The following ADAMTS2 variants were observed in gnomAD, a reference collection of about 807,000 sequenced individuals.
ADAMTS2 encodes the protein A disintegrin and metalloproteinase with thrombospondin motifs 2.
ADAMTS2 carries 50 observed loss-of-function variants against 123.0 expected under a neutral mutation model. The ratio of observed to expected loss-of-function variants is 0.41; its 90% CI spans 0.32 to 0.51. The LOEUF is 0.51. ADAMTS2 is among the 20% of genes least tolerant of loss of function. The pLI, the probability that ADAMTS2 is intolerant of heterozygous loss-of-function variation, is 0.35. For synonymous variants in ADAMTS2, 678 were observed against 695.4 expected, an observed-to-expected ratio of 0.98 and a Z score of 0.39; for missense variants, 1,494 against 1,705.2, an observed-to-expected ratio of 0.88 and a Z score of 2.18.
rs144331364 is a variant in ADAMTS2, at chr5:179,198,699, C to T, written c.891+8814G>A. Among the ~76,000 whole-genome samples, 662 of 152,176 alleles carry T rather than the reference C, an allele frequency of 4.4e-3. 4 individuals are homozygous for T. The highest frequency in any genetic ancestry group is 0.015 in the African/African-American group (622 of 41,512). ...AAATATAAAAATTAGCCAGGCATGG[C>T]GGCACGTGCCAGTAGTCCCAGGTAC... On this transcript the variant is annotated intron_variant, in intron 4 of 21. Coordinates refer to ENST00000251582, the MANE Select transcript of ADAMTS2 (RefSeq NM_014244.5).
chr5:179,318,416 T>C (rs1268719154), intron 2 of ADAMTS2, among the ~76,000 whole-genome samples: 1 of 147,032 alleles, frequency 6.8e-6, no homozygotes, highest in Admixed American at 6.8e-5. Context: ...GAGAAGGAGA[T>C]GCCGGGCGGG....
At chr5:179,186,482 G>A (rs925772816) in intron 4 of ADAMTS2, among the ~76,000 whole-genome samples, 3 of 152,124 alleles carry the variant, frequency 2.0e-5, no homozygotes, top group Non-Finnish European at 4.4e-5. Context: ...AGTGAGCCCC[G>A]TCCTGCCCCC....
At chr5:179,301,015 C>T (rs562317356) in intron 2 of ADAMTS2, among the ~76,000 whole-genome samples, 113 of 152,242 alleles carry the variant, frequency 7.4e-4, no homozygotes, top group Middle Eastern at 3.4e-3. Context: ...CTGGAGCCGG[C>T]GGCCAGCCCC....
intron 3 of ADAMTS2, among the ~76,000 whole-genome samples, chr5:179,209,593 G>A (rs56061695): frequency 3.9e-5 from 5 of 127,962 alleles, no homozygotes; most frequent in East Asian, 4.0e-4. Context: ...TACACACACA[G>A]GCACACACAC....
At chr5:179,266,770 C>A (rs1161184508) in intron 3 of ADAMTS2, among the ~76,000 whole-genome samples, 1 of 151,658 alleles carries the variant, frequency 6.6e-6, no homozygotes, top group Non-Finnish European at 1.5e-5. Context: ...CATCCTGGGC[C>A]CCCCAGCCCC....
At chr5:179,265,875 C>T (rs1041962403) in intron 3 of ADAMTS2, among the ~76,000 whole-genome samples, 4 of 152,364 alleles carry the variant, frequency 2.6e-5, no homozygotes, top group African/African-American at 4.8e-5. Flanking sequence ...CTGGGTTTCC[C>T]GGGGCCTGGG....
chr5:179,250,491 T>G (rs1489536161), intron 3 of ADAMTS2, among the ~76,000 whole-genome samples: 1 of 152,128 alleles, frequency 6.6e-6, no homozygotes, highest in Non-Finnish European at 1.5e-5. Context: ...TAGTAAAAAT[T>G]ATGGAATTAT....
intron 3 of ADAMTS2, among the ~76,000 whole-genome samples, chr5:179,215,046 G>A (rs1339240200): frequency 6.6e-6 from 1 of 152,140 alleles, no homozygotes; most frequent in African/African-American, 2.4e-5. Flanking sequence ...GAATGACAAT[G>A]AGGAGGCATA....
chr5:179,166,774 C>T (rs1763708726), intron 5 of ADAMTS2, among the ~76,000 whole-genome samples: 1 of 152,218 alleles, frequency 6.6e-6, no homozygotes, highest in Non-Finnish European at 1.5e-5. Flanking sequence ...AGCCTAAGCT[C>T]CTTGAGGGCC....
chr5:179,345,457 G>T lies in ADAMTS2; in HGVS notation c.-129C>A, dbSNP rs1757926886. 1.2e-6 allele frequency: 1 copy of T among 864,470 alleles called. No homozygotes were observed. Among genetic ancestry groups the T allele is most frequent in the African/African-American group, 1.8e-5 (1 of 54,772 alleles). The allele number at this position is 864,470 out of a possible 1,614,324, so 53.5% of individuals were successfully genotyped here. On this transcript the variant is annotated 5_prime_UTR_variant, in exon 1 of 22. Coordinates refer to ENST00000251582, the MANE Select transcript of ADAMTS2 (RefSeq NM_014244.5). This position sits in a 1 kb window ranked among gnomAD's most constrained non-coding sequence, Gnocchi z 7.5. Reference sequence around the variant, plus strand: ...CAGCACCGCAGGGCGCGGGGCGGAGGAGGCGAGGCGCGGAGGGGCGGGCGG... The same window carrying T: ...CAGCACCGCAGGGCGCGGGGCGGAGTAGGCGAGGCGCGGAGGGGCGGGCGG...
In ADAMTS2 at chr5:179,130,393, T is replaced by C. The variant is rs925810969; in HGVS notation, c.2291-295A>G. Among the ~76,000 whole-genome samples the C allele has an allele frequency of 2.6e-5, 4 of 152,058 alleles. No homozygotes were observed. Among genetic ancestry groups the C allele is most frequent in the African/African-American group, 9.7e-5 (4 of 41,434 alleles). On this transcript the variant is annotated intron_variant, in intron 15 of 21. Coordinates refer to ENST00000251582, the MANE Select transcript of ADAMTS2 (RefSeq NM_014244.5). The surrounding 1 kb of genome is among the most constrained non-coding windows in gnomAD (Gnocchi z 4.3). ...AGTAGCCGTCAAGGCCACCTACCCA[T>C]ACCCTATTGGGAGCACTCAGTGGGC...
At chr5:179,173,766 A>G (rs914428692) in intron 5 of ADAMTS2, among the ~76,000 whole-genome samples, 4 of 152,206 alleles carry the variant, frequency 2.6e-5, no homozygotes, top group East Asian at 1.9e-4. Flanking sequence ...CCATAACCCC[A>G]GCACTTTGGG....
In ADAMTS2 at chr5:179,272,420, G is replaced by A. The variant is rs1355423966; in HGVS notation, c.688+491C>T. On this transcript the variant is annotated intron_variant, in intron 3 of 21. Transcript: ENST00000251582. The surrounding 1 kb of genome is among the most constrained non-coding windows in gnomAD (Gnocchi z 5.8). ...AAGAGCATGCAGGGCCTTTCTCCCT[G>A]AGCAGCCAGGTGAGGGTTGGGACCT... is the stretch of plus-strand genomic sequence containing the variant. 6.6e-6 allele frequency among the ~76,000 whole-genome samples: 1 copy of A among 152,276 alleles called. No individual in the cohort carries two copies. The highest frequency in any genetic ancestry group is 1.9e-4 in the East Asian group (1 of 5,180).
At chr5:179,141,097 G>C (rs983797449) in intron 10 of ADAMTS2, among the ~76,000 whole-genome samples, 2 of 151,856 alleles carry the variant, frequency 1.3e-5, no homozygotes, top group African/African-American at 4.8e-5. Flanking sequence ...TTACAGGCGT[G>C]AGCCACCGCG....
intron 3 of ADAMTS2, among the ~76,000 whole-genome samples, chr5:179,221,381 G>T (rs918222338): frequency 6.6e-6 from 1 of 152,158 alleles, no homozygotes; most frequent in Non-Finnish European, 1.5e-5. Context: ...GGAGCTGAAA[G>T]TACCAGGGCC....
In ADAMTS2 at chr5:179,121,644, A is replaced by G. The variant is rs936885634; in HGVS notation, c.3178+17T>C. On this transcript the variant is annotated intron_variant, in intron 21 of 21. Coordinates refer to ENST00000251582, the MANE Select transcript of ADAMTS2 (RefSeq NM_014244.5). ...TGCACTGGAGGGCAGAGGCAGAGTTATAAACGGGTCGGTTACTTGACGAGA... is the reference window on the plus strand; with the variant it reads ...TGCACTGGAGGGCAGAGGCAGAGTTGTAAACGGGTCGGTTACTTGACGAGA... 69 of 1,595,774 alleles carry G rather than the reference A, an allele frequency of 4.3e-5. No individual in the cohort carries two copies. Among genetic ancestry groups the G allele is most frequent in the Non-Finnish European group, 5.7e-5 (67 of 1,169,736 alleles).
At chr5:179,148,195 G>A (rs571597775) in intron 10 of ADAMTS2, among the ~76,000 whole-genome samples, 10 of 152,188 alleles carry the variant, frequency 6.6e-5, no homozygotes, top group African/African-American at 2.4e-4. Context: ...TGAACAGACC[G>A]CACTCCCTTC....
chr5:179,301,365 G>A (rs995693648), intron 2 of ADAMTS2, among the ~76,000 whole-genome samples: 3 of 152,206 alleles, frequency 2.0e-5, no homozygotes, highest in African/African-American at 7.2e-5. Flanking sequence ...CTACTTTACA[G>A]AGTTGTCAAG....
intron 21 of ADAMTS2, 42 bp downstream of exon 21, chr5:179,121,619 T>A: frequency 6.6e-7 from 1 of 1,519,356 alleles, no homozygotes; most frequent in Non-Finnish European, 9.0e-7. Context: ...GCGCAGGGCA[T>A]GCACTGGAGG....
Sources: allele counts gnomAD v4.1 joint callset (sites outside exome capture counted in the v4.1 genomes callset), GRCh38; gene constraint gnomAD v4.1.1; non-coding constraint Gnocchi (gnomAD v3.1); transcripts MANE v1.5; gene names NCBI Gene and HGNC (gene_info 2026-07-23, HGNC 2026-07-21).